Variants in RIN2 observed in about 807,000 individuals in gnomAD.
RIN2 encodes Ras and Rab interactor 2, also known as RAB5 interacting protein 2.
RIN2 carries 36 observed loss-of-function variants against 78.0 expected under a neutral mutation model. The ratio of observed to expected loss-of-function variants is 0.46; its 90% CI spans 0.35 to 0.61. The LOEUF (loss-of-function observed/expected upper bound fraction) is 0.61. Among genes scored for constraint, RIN2 ranks in the 20% least tolerant of loss-of-function variants. RIN2 has a pLI of 0.00. For synonymous variants in RIN2, 466 were observed against 466.8 expected (o/e 1.00, Z 0.02); for missense variants, 1,087 against 1,159.7 (o/e 0.94, Z 0.91).
At chr20:19,815,336 C>T (rs768558487) in intron 2 of RIN2, among the ~76,000 whole-genome samples, 4 of 152,126 alleles carry the variant, frequency 2.6e-5, no homozygotes, top group Admixed American at 1.3e-4. Context: ...TTTAAAAGTT[C>T]GATAGTAGTC....
intron 1 of RIN2, among the ~76,000 whole-genome samples, chr20:19,788,431 C>CCAAAAAAAAAAAAAAA (rs2034759413): frequency 3.3e-5 from 2 of 60,850 alleles, no homozygotes; most frequent in African/African-American, 5.0e-4. Context: ...CCTGTCTCTG[C>CCAAAAAAAAAAAAAAA]CAAAAAAAAA....
chr20:19,849,152 C>A (rs1390653536), intron 2 of RIN2, among the ~76,000 whole-genome samples: 1 of 151,940 alleles, frequency 6.6e-6, no homozygotes. Context: ...AGACTTAAAC[C>A]ACCAGATTTT....
chr20:19,960,306 T>C (rs2041697041), intron 5 of RIN2, among the ~76,000 whole-genome samples: 1 of 152,252 alleles, frequency 6.6e-6, no homozygotes, highest in Non-Finnish European at 1.5e-5. Flanking sequence ...GGTTTAGTCA[T>C]GTTACCTGTG....
At chr20:19,988,506 A>G (rs1451343642) in intron 9 of RIN2, among the ~76,000 whole-genome samples, 1 of 152,242 alleles carries the variant, frequency 6.6e-6, no homozygotes, top group African/African-American at 2.4e-5. Context: ...TTTTATGCGT[A>G]GATGCTGCAG....
intron 2 of RIN2, among the ~76,000 whole-genome samples, chr20:19,827,739 T>C (rs867210618): frequency 1.3e-5 from 2 of 152,130 alleles, no homozygotes; most frequent in African/African-American, 4.8e-5. Flanking sequence ...TTACAGCCTT[T>C]AGGTGTTCAG....
intron 1 of RIN2, among the ~76,000 whole-genome samples, chr20:19,774,996 T>A (rs1454271571): frequency 1.3e-5 from 2 of 152,182 alleles, no homozygotes; most frequent in African/African-American, 4.8e-5. Flanking sequence ...CCCACATTCA[T>A]GGAGGCATTA....
intron 2 of RIN2, among the ~76,000 whole-genome samples, chr20:19,856,488 A>G (rs1045235575): frequency 2.0e-5 from 3 of 149,704 alleles, no homozygotes; most frequent in African/African-American, 7.3e-5. Context: ...AGTCACGATC[A>G]TGTCACTGTA....
intron 2 of RIN2, among the ~76,000 whole-genome samples, chr20:19,830,456 A>G (rs2122992305): frequency 6.6e-6 from 1 of 152,292 alleles, no homozygotes; most frequent in South Asian, 2.1e-4. Flanking sequence ...CATGAGGGAT[A>G]CCTTAATAAT....
Position 19,844,606 on chromosome 20 carries a change from CTTCTTCTTCTTCT to C in RIN2, c.-37+44861_-37+44873del, listed in dbSNP as rs2036687943. Among the ~76,000 whole-genome samples the C allele has an allele frequency of 7.5e-4, 37 of 49,082 alleles. 1 individual carries two copies. The highest frequency in any genetic ancestry group is 1.3e-3 in the South Asian group (2 of 1,542). 32.2% of individuals were successfully genotyped at this position (49,082 alleles called of 152,430 possible). A position where few individuals can be genotyped will look rare whatever the true frequency, so the allele number is the denominator to read the frequency against. On this transcript the variant is annotated intron_variant, in intron 2 of 12. Coordinates refer to ENST00000255006, the MANE Select transcript of RIN2 (RefSeq NM_018993.4). ...GCTGCTGCTGCTGCTTCTTCCTCTT[CTTCTTCTTCTTCT>C]TCTTCTTCTTCTTCTTCTTCTTCTT...
rs2146322927 is a variant in RIN2, at chr20:19,975,421, G to A, written c.1396G>A (p.Gly466Arg). 1.2e-6 allele frequency: 2 copies of A among 1,614,050 alleles called. No homozygotes were observed. The highest frequency in any genetic ancestry group is 1.7e-6 in the Non-Finnish European group (2 of 1,179,898). ...CAACAGCAGCCTGGAGGACTACGAGGGGGAAAGTGACCAAGAGACCATGGC... is the reference window on the plus strand; with the variant it reads ...CAACAGCAGCCTGGAGGACTACGAGAGGGAAAGTGACCAAGAGACCATGGC... ...DTNSSLEDYE[G>R]ESDQETMAPP... The change falls in exon 9 of 13, where the codon GGG (glycine) becomes AGG (arginine). Residue 466 changes from glycine to arginine, a missense_variant. Around this residue, in one of 8 missense-constraint regions of RIN2, gnomAD observed 706 missense variants for 667.5 expected, o/e 1.06. Coordinates refer to ENST00000255006, the MANE Select transcript of RIN2 (RefSeq NM_018993.4). The surrounding 1 kb of genome is among the most constrained non-coding windows in gnomAD (Gnocchi z 4.9).
At chr20:19,768,015 G>T (rs991557815) in intron 1 of RIN2, among the ~76,000 whole-genome samples, 10 of 152,076 alleles carry the variant, frequency 6.6e-5, no homozygotes, top group Admixed American at 6.5e-4. Context: ...TCAGTCCAGG[G>T]AGGGAGGCAA....
chr20:19,781,923 C>T (rs1369150490), intron 1 of RIN2, among the ~76,000 whole-genome samples: 4 of 152,048 alleles, frequency 2.6e-5, no homozygotes, highest in African/African-American at 9.7e-5. Context: ...TATTGATGAC[C>T]ATGCATCGTC....
At chr20:19,788,223 C>T (rs1220575924) in intron 1 of RIN2, among the ~76,000 whole-genome samples, 3 of 151,996 alleles carry the variant, frequency 2.0e-5, no homozygotes, top group African/African-American at 7.3e-5. Context: ...ATCACTCTGT[C>T]ATCTGTATTC....
intron 3 of RIN2, among the ~76,000 whole-genome samples, chr20:19,904,492 G>A (rs1288150198): frequency 6.6e-6 from 1 of 152,008 alleles, no homozygotes; most frequent in Non-Finnish European, 1.5e-5. Flanking sequence ...GGTAGGGAAA[G>A]TCTTCCTGAA....
chr20:19,772,226 A>G (rs1279507603), intron 1 of RIN2, among the ~76,000 whole-genome samples: 1 of 152,010 alleles, frequency 6.6e-6, no homozygotes, highest in Non-Finnish European at 1.5e-5. Context: ...TCTTGACTCC[A>G]CTTTTACTTC....
Position 19,975,264 on chromosome 20 carries a change from G to T in RIN2, c.1239G>T (p.Pro413=), listed in dbSNP as rs534193230. ...AAPGDCTRAP[P]PSSESRPPCH... ...CGGGGGATTGCACAAGGGCCCCGCCGCCCAGCTCTGAATCACGGCCCCCGT... is the reference window on the plus strand; with the variant it reads ...CGGGGGATTGCACAAGGGCCCCGCCTCCCAGCTCTGAATCACGGCCCCCGT... The change falls in exon 9 of 13, where the codon CCG becomes CCT. Residue 413 remains proline, a synonymous_variant. Transcript: ENST00000255006. This position sits in a 1 kb window ranked among gnomAD's most constrained non-coding sequence, Gnocchi z 4.9. 101 of 1,586,050 alleles carry T rather than the reference G, an allele frequency of 6.4e-5. 1 individual carries two copies. In the East Asian group the frequency reaches 1.9e-3, roughly 30 times the overall value.
intron 3 of RIN2, among the ~76,000 whole-genome samples, chr20:19,922,006 C>T (rs923394371): frequency 2.6e-5 from 4 of 152,194 alleles, no homozygotes; most frequent in African/African-American, 9.6e-5. Flanking sequence ...GCTGAGATTA[C>T]AGGCGCATGC....
chr20:19,798,110 C>T (rs776839595), intron 1 of RIN2, among the ~76,000 whole-genome samples: 39 of 151,464 alleles, frequency 2.6e-4, no homozygotes, highest in African/African-American at 7.8e-4. Flanking sequence ...CTTGGCCTCC[C>T]GAAGTGCTGG....
At chr20:19,843,145 C>T (rs1396721984) in intron 2 of RIN2, among the ~76,000 whole-genome samples, 1 of 152,130 alleles carries the variant, frequency 6.6e-6, no homozygotes, top group Non-Finnish European at 1.5e-5. Flanking sequence ...CAAAGAAAAT[C>T]GTTTATTGAG....
Sources: gnomAD v4.1 joint callset for allele counts (sites outside exome capture counted in the v4.1 genomes callset) on GRCh38, gnomAD v4.1.1 for gene constraint, gnomAD v4.1.1 regional missense constraint, Gnocchi (gnomAD v3.1) non-coding constraint, MANE v1.5 for transcripts, NCBI Gene and HGNC (gene_info 2026-07-23, HGNC 2026-07-21) for gene names.